ADRB3: variants seen among roughly 807,000 people sequenced by gnomAD.
The protein encoded by ADRB3 is beta-3 adrenergic receptor.
Under a neutral mutation model 23.8 loss-of-function variants are expected in ADRB3, and 33 were observed. The observed-to-expected ratio is 1.38, with a 90% confidence interval of 1.05 to 1.85. The LOEUF is 1.85. ADRB3 is among the 40% of genes most tolerant of loss of function. The pLI is 0.00. For missense variants in ADRB3, 600 were observed against 579.6 expected (o/e 1.04, Z -0.36); for synonymous variants, 289 against 273.0 (o/e 1.06, Z -0.58).
Position 37,966,534 on chromosome 8 carries a change from C to T in ADRB3, c.-65G>A. ...AGGGGGTCTCCCAAATCACCTGGCT[C>T]AGGGGAGGGGACAGCAAGGCATGAG... On this transcript the variant is annotated 5_prime_UTR_variant, in exon 1 of 2. It removes the in-frame stop codon of an upstream open reading frame in the 5' UTR. Transcript: ENST00000345060. 1.3e-6 allele frequency: 2 copies of T among 1,518,970 alleles called. No homozygotes were observed. Among genetic ancestry groups the T allele is most frequent in the South Asian group, 2.4e-5 (2 of 82,858 alleles). The allele number at this position is 1,518,970 out of a possible 1,614,324, so 94.1% of individuals were successfully genotyped here.
intron 1 of ADRB3, among the ~76,000 whole-genome samples, chr8:37,964,697 T>C (rs1021931997): frequency 1.3e-5 from 2 of 152,178 alleles, no homozygotes; most frequent in African/African-American, 2.4e-5. Context: ...TTTGGAAGGC[T>C]GAGGCAGAAG....
In ADRB3 at chr8:37,966,556, T is replaced by C. The variant is rs1808325892; in HGVS notation, c.-87A>G. The C allele has an allele frequency of 1.3e-6, 2 of 1,483,332 alleles. No homozygotes were observed. The highest frequency in any genetic ancestry group is 1.3e-5 in the South Asian group (1 of 77,354). The allele number at this position is 1,483,332 out of a possible 1,614,324, so 91.9% of individuals were successfully genotyped here. On this transcript the variant is annotated 5_prime_UTR_variant, in exon 1 of 2. The change abolishes an upstream ATG in the 5' untranslated region. Coordinates refer to ENST00000345060, the MANE Select transcript of ADRB3 (RefSeq NM_000025.3). ...GCTCAGGGGAGGGGACAGCAAGGCA[T>C]GAGAGCGACTTCCCCAGCCTGGGCC...
rs547145546 is a variant in ADRB3, at chr8:37,966,152, G to A, written c.318C>T (p.Gly106=). 46 of 1,609,936 alleles carry A rather than the reference G, an allele frequency of 2.9e-5. No homozygotes were observed. In the African/African-American group the frequency reaches 4.1e-4, roughly 14 times the overall value. ...AGGTCCACAGCTCGCAGCCAGTGGCGCCCAACGGCCAGTGGCCAGTCAGCG... is the reference window on the plus strand; with the variant it reads ...AGGTCCACAGCTCGCAGCCAGTGGCACCCAACGGCCAGTGGCCAGTCAGCG... ...TLALTGHWPL[G]ATGCELWTSV... The change falls in exon 1 of 2, where the codon GGC becomes GGT. Residue 106 remains glycine (G), a synonymous_variant. Coordinates refer to ENST00000345060, the MANE Select transcript of ADRB3 (RefSeq NM_000025.3).
At position 37,965,541 on chromosome 8, in the gene ADRB3, A is replaced by C; in HGVS notation, c.929T>G (p.Leu310Arg). Residue 310 changes from leucine to arginine, a missense_variant, in exon 1 of 2, where the codon CTG becomes CGG. Coordinates refer to ENST00000345060, the MANE Select transcript of ADRB3 (RefSeq NM_000025.3). ...CCCCAGGGCGCGCAGCACGTTGGCC[A>C]GAAAGAAGGGCAACCAGCAGAGAGT... ...TFTLCWLPFFLANVLRALGGP... is the reference protein window; with the variant it reads ...TFTLCWLPFFRANVLRALGGP... 1.3e-6 allele frequency: 2 copies of C among 1,551,090 alleles called. No homozygotes were observed. The highest frequency in any genetic ancestry group is 1.7e-6 in the Non-Finnish European group (2 of 1,147,036).
In ADRB3 at chr8:37,965,591, G is replaced by A. The variant is rs1160174987; in HGVS notation, c.879C>T (p.Thr293=). 3.2e-6 allele frequency: 5 copies of A among 1,549,076 alleles called. No homozygotes were observed. The Admixed American group carries it at 5.9e-5, about 18-fold the overall frequency. ...LPLREHRALC[T]LGLIMGTFTL... is the part of the protein sequence containing the mutation. ...TGAAGGTGCCCATGATGAGACCCAA[G>A]GTGCACAGGGCCCGGTGTTCCCGGA... The change falls in exon 1 of 2, where the codon ACC becomes ACT. Residue 293 remains threonine, a synonymous_variant. Coordinates refer to ENST00000345060, the MANE Select transcript of ADRB3 (RefSeq NM_000025.3).
Position 37,966,580 on chromosome 8 carries a change from C to T in ADRB3, c.-111G>A, listed in dbSNP as rs1386546890. 6.9e-7 allele frequency: 1 copy of T among 1,445,348 alleles called. No individual in the cohort carries two copies. Among genetic ancestry groups the T allele is most frequent in the South Asian group, 1.4e-5 (1 of 71,262 alleles). 89.5% of individuals were successfully genotyped at this position (1,445,348 alleles called of 1,614,324 possible). A position where few individuals can be genotyped will look rare whatever the true frequency, so the allele number is the denominator to read the frequency against. On this transcript the variant is annotated 5_prime_UTR_variant, in exon 1 of 2. Coordinates refer to ENST00000345060, the MANE Select transcript of ADRB3 (RefSeq NM_000025.3). ...ATGAGAGCGACTTCCCCAGCCTGGG[C>T]CATCTTCTCTAGCTGTCCCAGCCAG...
chr8:37,965,417 G>C lies in ADRB3; in HGVS notation c.1053C>G (p.Asp351Glu), dbSNP rs1394272449. ...GAAGACGGCGGAAGGCGCTGCGAAAGTCCGGGCTGCGGCAGTAGATGAGCG... is the reference window on the plus strand; with the variant it reads ...GAAGACGGCGGAAGGCGCTGCGAAACTCCGGGCTGCGGCAGTAGATGAGCG... ...FNPLIYCRSP[D>E]FRSAFRRLLC... is the part of the protein sequence containing the mutation. The change falls in exon 1 of 2, where the codon GAC becomes GAG. Residue 351 changes from aspartate (D) to glutamate (E), a missense_variant. By Grantham distance (45) the Asp-to-Glu change is conservative. Coordinates refer to ENST00000345060, the MANE Select transcript of ADRB3 (RefSeq NM_000025.3). 1 of 1,549,538 alleles carries C rather than the reference G, an allele frequency of 6.5e-7. No homozygotes were observed. Among genetic ancestry groups the C allele is most frequent in the Admixed American group, 2.0e-5 (1 of 50,920 alleles).
Position 37,966,461 on chromosome 8 carries a change from C to G in ADRB3, c.9G>C (p.Pro3=). The G allele has an allele frequency of 1.3e-6, 2 of 1,594,474 alleles. No homozygotes were observed. Among genetic ancestry groups the G allele is most frequent in the Non-Finnish European group, 1.7e-6 (2 of 1,173,850 alleles). ...CAAGAGAGCTGTTCTCGTGAGGCCA[C>G]GGAGCCATCCCCGGGTCGCGCGTGG... MA[P]WPHENSSLAP... The change falls in exon 1 of 2, where the codon CCG becomes CCC. Residue 3 remains proline, a synonymous_variant. Coordinates refer to ENST00000345060, the MANE Select transcript of ADRB3 (RefSeq NM_000025.3).
rs1397836786 is a variant in ADRB3 at position 37,966,368 on chromosome 8, C to T, written c.102G>A (p.Pro34=). 3.1e-6 allele frequency: 5 copies of T among 1,611,152 alleles called. No individual in the cohort carries two copies. The highest frequency in any genetic ancestry group is 3.4e-6 in the Non-Finnish European group (4 of 1,179,006). ...GGGCCCCGGCTAGGGCCGCCTCCCACGGAACCCCTGGCAGCCCACTGGTGT... is the reference window on the plus strand; with the variant it reads ...GGGCCCCGGCTAGGGCCGCCTCCCATGGAACCCCTGGCAGCCCACTGGTGT... ...TANTSGLPGV[P]WEAALAGALL... The change falls in exon 1 of 2, where the codon CCG becomes CCA. Residue 34 remains proline, a synonymous_variant. Coordinates refer to ENST00000345060, the MANE Select transcript of ADRB3 (RefSeq NM_000025.3).
At chr8:37,964,709 A>T (rs900676081) in intron 1 of ADRB3, among the ~76,000 whole-genome samples, 1 of 152,190 alleles carries the variant, frequency 6.6e-6, no homozygotes, top group Admixed American at 6.5e-5. Context: ...AGGCAGAAGG[A>T]TCACTTGAGG....
At position 37,964,042 on chromosome 8, in the gene ADRB3, G is replaced by A; in HGVS notation, c.*176C>T. 1.7e-6 allele frequency: 1 copy of A among 593,038 alleles called. No individual in the cohort carries two copies. The highest frequency in any genetic ancestry group is 2.9e-5 in the East Asian group (1 of 34,212). The allele number at this position is 593,038 out of a possible 1,614,324, so 36.7% of individuals were successfully genotyped here. On this transcript the variant is annotated 3_prime_UTR_variant, in exon 2 of 2. Transcript: ENST00000345060. ...AAAACATCTCTCAGACAGAGAGCAA[G>A]AGGATGGTGAAAACCCACTTGGTAA... is the stretch of plus-strand genomic sequence containing the variant.
Position 37,966,502 on chromosome 8 carries a change from A to AG in ADRB3, c.-34dup. 6.5e-7 allele frequency: 1 copy of AG among 1,548,984 alleles called. No homozygotes were observed. Among genetic ancestry groups the AG allele is most frequent in the South Asian group, 1.2e-5 (1 of 85,280 alleles). Reference sequence around the variant, plus strand: ...TCGCGCGTGGGGCGGTAGGGAAAGAAGGAAGGAGGGGGTCTCCCAAATCAC... The same window carrying AG: ...TCGCGCGTGGGGCGGTAGGGAAAGAAGGGAAGGAGGGGGTCTCCCAAATCAC... On this transcript the variant is annotated 5_prime_UTR_variant, in exon 1 of 2. Coordinates refer to ENST00000345060, the MANE Select transcript of ADRB3 (RefSeq NM_000025.3).
Position 37,965,398 on chromosome 8 carries a change from G to C in ADRB3, c.1072C>G (p.Arg358Gly), listed in dbSNP as rs1179996342. Reference sequence around the variant, plus strand: ...CGACGGCCGCAGCGGCACAGAAGACGGCGGAAGGCGCTGCGAAAGTCCGGG... The same window carrying C: ...CGACGGCCGCAGCGGCACAGAAGACCGCGGAAGGCGCTGCGAAAGTCCGGG... ...RSPDFRSAFR[R>G]LLCRCGRRLP... Residue 358 changes from arginine to glycine, a missense_variant, in exon 1 of 2, where the codon CGT (arginine) becomes GGT (glycine). Physicochemically the swap from Arg to Gly is moderately radical, Grantham distance 125. Transcript: ENST00000345060. 1 of 1,548,454 alleles carries C rather than the reference G, an allele frequency of 6.5e-7. No individual in the cohort carries two copies. Among genetic ancestry groups the C allele is most frequent in the South Asian group, 1.2e-5 (1 of 83,656 alleles).
rs1338232622 is a variant in ADRB3, at chr8:37,964,109, G to C, written c.*109C>G. On this transcript the variant is annotated 3_prime_UTR_variant, in exon 2 of 2. Coordinates refer to ENST00000345060, the MANE Select transcript of ADRB3 (RefSeq NM_000025.3). ...CACATGGCCCAGTCGTCAGGTTCTGGAGGGTAGAGTGTCACAGCCGGGGAA... is the reference window on the plus strand; with the variant it reads ...CACATGGCCCAGTCGTCAGGTTCTGCAGGGTAGAGTGTCACAGCCGGGGAA... The C allele has an allele frequency of 4.1e-6, 4 of 984,630 alleles. No homozygotes were observed. Among genetic ancestry groups the C allele is most frequent in the Admixed American group, 3.9e-5 (2 of 51,444 alleles). The allele number at this position is 984,630 out of a possible 1,614,324, so 61.0% of individuals were successfully genotyped here. A position where few individuals can be genotyped will look rare whatever the true frequency, so the allele number is the denominator to read the frequency against.
chr8:37,964,027 TCAGA>T lies in ADRB3; in HGVS notation c.*187_*190del, dbSNP rs1808251049. On this transcript the variant is annotated 3_prime_UTR_variant, in exon 2 of 2. Coordinates refer to ENST00000345060, the MANE Select transcript of ADRB3 (RefSeq NM_000025.3). ...AAGGCTGGGGTTTAGAAAACATCTC[TCAGA>T]CAGAGAGCAAGAGGATGGTGAAAAC... 1.9e-5 allele frequency: 11 copies of T among 570,876 alleles called. 1 individual carries two copies. The East Asian group carries it at 3.3e-4, about 17-fold the overall frequency. The allele number at this position is 570,876 out of a possible 1,614,324, so 35.4% of individuals were successfully genotyped here.
In ADRB3 at chr8:37,966,140, GCAGCCAGTGGCGC is replaced by G. The variant is rs762717559; in HGVS notation, c.317_329del (p.Gly106AlafsTer12). The G allele has an allele frequency of 2.5e-6, 4 of 1,610,350 alleles. No homozygotes were observed. Among genetic ancestry groups the G allele is most frequent in the Non-Finnish European group, 3.4e-6 (4 of 1,178,664 alleles). ...GCACGTCCACCGAGGTCCACAGCTC[GCAGCCAGTGGCGC>G]CCAACGGCCAGTGGCCAGTCAGCGC... On this transcript the variant is annotated frameshift_variant, in exon 1 of 2. Transcript: ENST00000345060. LOFTEE classifies it high-confidence loss of function.
chr8:37,966,248 C>A lies in ADRB3; in HGVS notation c.222G>T (p.Val74=). ...CGGCTGCGGCCAGCGAAGTCACGAA[C>A]ACGTTGGTCATGGTCTGGAGTCTCG... ...WTPRLQTMTN[V]FVTSLAAADL... is the part of the protein sequence containing the mutation. The change falls in exon 1 of 2, where the codon GTG becomes GTT. Residue 74 remains valine, a synonymous_variant. Transcript: ENST00000345060. 6.2e-7 allele frequency: 1 copy of A among 1,613,654 alleles called. No individual in the cohort carries two copies. The highest frequency in any genetic ancestry group is 8.5e-7 in the Non-Finnish European group (1 of 1,179,808).
Position 37,966,514 on chromosome 8 carries a change from G to A in ADRB3, c.-45C>T, listed in dbSNP as rs1215356464. 20 of 1,526,810 alleles carry A rather than the reference G, an allele frequency of 1.3e-5. 1 individual carries two copies. Among genetic ancestry groups the A allele is most frequent in the Non-Finnish European group, 1.8e-5 (20 of 1,141,854 alleles). 94.6% of individuals were successfully genotyped at this position (1,526,810 alleles called of 1,614,324 possible). On this transcript the variant is annotated 5_prime_UTR_variant, in exon 1 of 2. Coordinates refer to ENST00000345060, the MANE Select transcript of ADRB3 (RefSeq NM_000025.3). ...CGGTAGGGAAAGAAGGAAGGAGGGGGTCTCCCAAATCACCTGGCTCAGGGG... is the reference window on the plus strand; with the variant it reads ...CGGTAGGGAAAGAAGGAAGGAGGGGATCTCCCAAATCACCTGGCTCAGGGG...
intron 1 of ADRB3, among the ~76,000 whole-genome samples, chr8:37,964,546 T>C (rs1002283138): frequency 2.5e-5 from 1 of 39,416 alleles, no homozygotes; most frequent in Non-Finnish European, 5.4e-5. Context: ...GGGGGGCGGG[T>C]GGGGGGGCAC....
Sources: allele counts gnomAD v4.1 joint callset (sites outside exome capture counted in the v4.1 genomes callset), GRCh38; gene constraint gnomAD v4.1.1; transcripts MANE v1.5; gene names NCBI Gene and HGNC (gene_info 2026-07-23, HGNC 2026-07-21).